The following ANAPC4 variants were observed in gnomAD, a reference collection of about 807,000 sequenced individuals.
ANAPC4 encodes the protein anaphase promoting complex subunit 4.
In ANAPC4, 63 loss-of-function variants were observed where a neutral mutation model predicts 119.8. The observed-to-expected ratio is 0.53, with a 90% CI of 0.43 to 0.65. The LOEUF (loss-of-function observed/expected upper bound fraction) is 0.65, where lower values mean the gene tolerates loss of function less well. Among genes scored for constraint, ANAPC4 ranks in the 30% least tolerant of loss-of-function variants. The pLI is 0.00. For missense variants in ANAPC4, 716 were observed against 945.1 expected (o/e 0.76, Z 3.18); for synonymous variants, 283 against 318.6 (o/e 0.89, Z 1.19).
chr4:25,417,577 C>T (rs1447910357), intron 27 of ANAPC4, 39 bp from the exon 28 acceptor site: 1 of 1,537,218 alleles, frequency 6.5e-7, no homozygotes, highest in South Asian at 1.3e-5. Flanking sequence ...AGGATAAGAT[C>T]CCCTTTTCAT....
intron 3 of ANAPC4, 23 bp downstream of exon 3, chr4:25,380,502 A>T: frequency 6.4e-7 from 1 of 1,551,152 alleles, no homozygotes; most frequent in Non-Finnish European, 8.8e-7. Flanking sequence ...TTACAAAAAA[A>T]ATATGTTTTT....
intron 14 of ANAPC4, among the ~76,000 whole-genome samples, chr4:25,396,197 T>C (rs1157335606): frequency 1.3e-5 from 2 of 152,204 alleles, no homozygotes; most frequent in African/African-American, 2.4e-5. Context: ...AAGGCATTTA[T>C]AGTAGTTGGA....
intron 12 of ANAPC4, 124 bp downstream of exon 12, chr4:25,394,498 A>G (rs1451798232): frequency 9.7e-7 from 1 of 1,028,096 alleles, no homozygotes; most frequent in Non-Finnish European, 1.4e-6. Context: ...TTTAATTGAT[A>G]CATAATGTGT....
At chr4:25,381,635 C>T (rs1417645384) in intron 3 of ANAPC4, among the ~76,000 whole-genome samples, 4 of 151,774 alleles carry the variant, frequency 2.6e-5, no homozygotes, top group Non-Finnish European at 5.9e-5. Context: ...TTTGTCCCTA[C>T]ATAAATATAA....
chr4:25,390,741 C>T (rs1722303842), intron 8 of ANAPC4, among the ~76,000 whole-genome samples, 170 bp from the exon 9 acceptor site: 1 of 152,168 alleles, frequency 6.6e-6, no homozygotes, highest in Non-Finnish European at 1.5e-5. Context: ...GGCCTTGTAA[C>T]TAGAAAGGTC....
rs768455834 is a variant in ANAPC4 at position 25,418,400 on chromosome 4, G to T, written c.*18G>T. The T allele has an allele frequency of 2.5e-6, 4 of 1,609,826 alleles. No homozygotes were observed. The highest frequency in any genetic ancestry group is 1.1e-5 in the South Asian group (1 of 90,886). On this transcript the variant is annotated 3_prime_UTR_variant, in exon 29 of 29. Coordinates refer to ENST00000315368, the MANE Select transcript of ANAPC4 (RefSeq NM_013367.3). ...ACTCCTAATCTAGCTTGCCATTATT[G>T]TGTGTGTAATTATGGCCAAAAGGAC...
Position 25,392,357 on chromosome 4 carries a change from A to G in ANAPC4, c.725A>G (p.Tyr242Cys). The change falls in exon 10 of 29, where the codon TAC (tyrosine) becomes TGC (cysteine). Residue 242 changes from tyrosine to cysteine, a missense_variant. Transcript: ENST00000315368. ...SYFQLETNLL[Y>C]SFLPEVTRMA... Reference sequence around the variant, plus strand: ...TTACAGCTTGAAACTAATCTGTTGTACTCTTTCTTACCTGAAGTAACTCGG... The same window carrying G: ...TTACAGCTTGAAACTAATCTGTTGTGCTCTTTCTTACCTGAAGTAACTCGG... 2 of 1,612,450 alleles carry G rather than the reference A, an allele frequency of 1.2e-6. No homozygotes were observed. The highest frequency in any genetic ancestry group is 1.7e-6 in the Non-Finnish European group (2 of 1,178,706).
At position 25,407,244 on chromosome 4, in the gene ANAPC4, A is replaced by T; in HGVS notation, c.1422A>T (p.Arg474Ser). 6.2e-7 allele frequency: 1 copy of T among 1,608,454 alleles called. No homozygotes were observed. Among genetic ancestry groups the T allele is most frequent in the Non-Finnish European group, 8.5e-7 (1 of 1,178,130 alleles). ...AAGGAAAATACTTTAACGTTGAAAG[A>T]GTTGGTCAGGTATGGGCTTTGAACT... ...NRKGKYFNVERVGQYLKDEDD... is the reference protein window; with the variant it reads ...NRKGKYFNVESVGQYLKDEDD... Residue 474 changes from arginine (R) to serine (S), a missense_variant, in exon 20 of 29, where the codon AGA becomes AGT. Coordinates refer to ENST00000315368, the MANE Select transcript of ANAPC4 (RefSeq NM_013367.3).
At chr4:25,411,666 A>C (rs1329682202) in intron 21 of ANAPC4, among the ~76,000 whole-genome samples, 1 of 152,196 alleles carries the variant, frequency 6.6e-6, no homozygotes, top group African/African-American at 2.4e-5. Flanking sequence ...ATAGTTTCTC[A>C]TCTGTAAAAT....
chr4:25,398,543 T>C (rs1455616500), intron 16 of ANAPC4, among the ~76,000 whole-genome samples: 2 of 152,152 alleles, frequency 1.3e-5, no homozygotes, highest in Non-Finnish European at 2.9e-5. Context: ...TGACAGGTGA[T>C]AGAGGATGGC....
chr4:25,384,293 C>A (rs775019292), intron 4 of ANAPC4, among the ~76,000 whole-genome samples: 5 of 152,200 alleles, frequency 3.3e-5, no homozygotes, highest in Admixed American at 1.3e-4. Context: ...ACCAGATCTG[C>A]AGTTACTTCC....
At chr4:25,402,573 A>G (rs1723035536) in intron 16 of ANAPC4, among the ~76,000 whole-genome samples, 1 of 152,168 alleles carries the variant, frequency 6.6e-6, no homozygotes, top group Non-Finnish European at 1.5e-5. Flanking sequence ...GTTGAAGTTG[A>G]TGTTTTTTCT....
At chr4:25,399,029 T>C (rs765109127) in intron 16 of ANAPC4, among the ~76,000 whole-genome samples, 21 of 151,792 alleles carry the variant, frequency 1.4e-4, no homozygotes, top group South Asian at 4.2e-4. Flanking sequence ...ATTACAAGAA[T>C]AATAGAGACA....
At chr4:25,395,317 T>A (rs1485057194) in intron 14 of ANAPC4, 1 of 154,192 alleles carries the variant, frequency 6.5e-6, no homozygotes, top group Non-Finnish European at 1.4e-5. Context: ...GAATCAGTTA[T>A]ATGGCTGGCC....
chr4:25,386,140 C>T (rs943611639), intron 4 of ANAPC4, among the ~76,000 whole-genome samples: 2 of 151,862 alleles, frequency 1.3e-5, no homozygotes, highest in Admixed American at 6.6e-5. Context: ...CTTGAACTTC[C>T]GACCTCAGGT....
Position 25,413,933 on chromosome 4 carries a change from G to A in ANAPC4, c.1623+191G>A, listed in dbSNP as rs778421608. 5.7e-4 allele frequency: 262 copies of A among 461,272 alleles called. 1 individual carries two copies. Among genetic ancestry groups the A allele is most frequent in the Non-Finnish European group, 7.8e-4 (215 of 276,428 alleles). The allele number at this position is 461,272 out of a possible 1,614,324, so 28.6% of individuals were successfully genotyped here. A position where few individuals can be genotyped will look rare whatever the true frequency, so the allele number is the denominator to read the frequency against. On this transcript the variant is annotated intron_variant, in intron 22 of 28. Coordinates refer to ENST00000315368, the MANE Select transcript of ANAPC4 (RefSeq NM_013367.3). ...TCCAACTTAAGTTTCTTACACACGT[G>A]TGTGTGTGTGTGTGTGTGTATAAAG...
chr4:25,413,789 T>C (rs1336202227), intron 22 of ANAPC4, 47 bp downstream of exon 22: 4 of 1,386,002 alleles, frequency 2.9e-6, no homozygotes, highest in Non-Finnish European at 4.1e-6. Flanking sequence ...CAATAGTGTC[T>C]ACAGTATGTG....
At chr4:25,407,031 A>C in intron 19 of ANAPC4, 146 bp downstream of exon 19, 1 of 900,682 alleles carries the variant, frequency 1.1e-6, no homozygotes, top group South Asian at 1.7e-5. Context: ...TATGTTTATA[A>C]ACATAGTCAA....
At chr4:25,381,429 G>C (rs985192149) in intron 3 of ANAPC4, among the ~76,000 whole-genome samples, 4 of 152,038 alleles carry the variant, frequency 2.6e-5, no homozygotes, top group African/African-American at 9.7e-5. Context: ...TTCTCCCTCA[G>C]CCTCCTGAGT....
Sources: allele counts gnomAD v4.1 joint callset (sites outside exome capture counted in the v4.1 genomes callset), GRCh38; gene constraint gnomAD v4.1.1; transcripts MANE v1.5; gene names NCBI Gene and HGNC (gene_info 2026-07-23, HGNC 2026-07-21).